CFAP54: variants seen among roughly 807,000 people sequenced by gnomAD.
CFAP54 encodes cilia and flagella associated protein 54, also known as cilia- and flagella-associated protein 54.
Under a neutral mutation model 370.4 loss-of-function variants are expected in CFAP54, and 290 were observed. That is an observed-to-expected ratio of 0.78 (90% CI 0.71 to 0.86). CFAP54 has a LOEUF of 0.86. Among genes scored for constraint, CFAP54 ranks in the 40% least tolerant of loss-of-function variants. The probability of loss-of-function intolerance (pLI) is 0.00; values close to 1 mark genes in which losing one functional copy is unlikely to be tolerated. For missense variants in CFAP54, 3,399 were observed against 3,528.7 expected (o/e 0.96, Z 0.93); for synonymous variants, 1,206 against 1,236.5 (o/e 0.98, Z 0.52).
chr12:96,557,213 G>T (rs921671252), intron 17 of CFAP54, among the ~76,000 whole-genome samples: 3 of 152,104 alleles, frequency 2.0e-5, no homozygotes, highest in Admixed American at 6.6e-5. Flanking sequence ...ATGACCAATT[G>T]AATCTTCCTT....
rs374304295 is a variant in CFAP54 at position 96,660,157 on chromosome 12, C to T, written c.5460+1811C>T. ...GATGATGGCATTTGATGAGAGGGGC[C>T]AGCCATACAGTGATCTAGGGAAAGA... On this transcript the variant is annotated intron_variant, in intron 38 of 67. Coordinates refer to ENST00000524981, the MANE Select transcript of CFAP54 (RefSeq NM_001306084.2). Among the ~76,000 whole-genome samples the T allele has an allele frequency of 9.9e-5, 15 of 152,152 alleles. No homozygotes were observed. In the South Asian group the frequency reaches 2.9e-3, roughly 30 times the overall value.
intron 14 of CFAP54, among the ~76,000 whole-genome samples, chr12:96,544,410 A>C (rs1466444125): frequency 2.0e-5 from 3 of 148,016 alleles, no homozygotes; most frequent in African/African-American, 5.0e-5. Context: ...AAAACAGAAT[A>C]TCTCTCTCTC....
chr12:96,499,823 G>C (rs1299525856), intron 1 of CFAP54, among the ~76,000 whole-genome samples: 1 of 152,128 alleles, frequency 6.6e-6, no homozygotes, highest in Non-Finnish European at 1.5e-5. Context: ...GTGCACGCCT[G>C]TAATCCCAGC....
intron 17 of CFAP54, among the ~76,000 whole-genome samples, chr12:96,557,671 G>A (rs1955767873): frequency 6.6e-6 from 1 of 151,982 alleles, no homozygotes; most frequent in South Asian, 2.1e-4. Flanking sequence ...AGTTTTAAAA[G>A]ACTACATTCA....
rs555785647 is a variant in CFAP54, at chr12:96,866,325, T to A, written c.*14+5373T>A. On this transcript the variant is annotated intron_variant, in intron 67 of 67. Coordinates refer to ENST00000524981, the MANE Select transcript of CFAP54 (RefSeq NM_001306084.2). The stretch of plus-strand genomic sequence containing the variant: ...TTTTCTTCATAATTAAATTCATTAG[T>A]TAAAAAGCTGGGTTAAGAGGGATGG... 2.1e-4 allele frequency among the ~76,000 whole-genome samples: 32 copies of A among 152,200 alleles called. 1 individual carries two copies. In the South Asian group the frequency reaches 5.0e-3, roughly 24 times the overall value.
chr12:96,552,414 GCTCACTGCAGC>G (rs1955705140), intron 15 of CFAP54, among the ~76,000 whole-genome samples: 1 of 151,882 alleles, frequency 6.6e-6, no homozygotes, highest in Admixed American at 6.6e-5. Context: ...CATGATCAGG[GCTCACTGCAGC>G]CTCTGCCTCC....
Position 96,704,740 on chromosome 12 carries a change from C to T in CFAP54, c.6475-3C>T. ...TTGCTGTTACTATTTTGTATTTTGA[C>T]AGATCTTTCAATCATTTGACTCAGG... On this transcript the variant is annotated splice_region_variant and splice_polypyrimidine_tract_variant and intron_variant, in intron 46 of 67. Coordinates refer to ENST00000524981, the MANE Select transcript of CFAP54 (RefSeq NM_001306084.2). 2 of 1,225,362 alleles carry T rather than the reference C, an allele frequency of 1.6e-6. No individual in the cohort carries two copies. The highest frequency in any genetic ancestry group is 1.4e-5 in the South Asian group (1 of 69,004). The allele number at this position is 1,225,362 out of a possible 1,614,324, so 75.9% of individuals were successfully genotyped here. A position where few individuals can be genotyped will look rare whatever the true frequency, so the allele number is the denominator to read the frequency against.
At chr12:96,597,124 A>T (rs993956538) in intron 25 of CFAP54, among the ~76,000 whole-genome samples, 1 of 152,112 alleles carries the variant, frequency 6.6e-6, no homozygotes, top group Non-Finnish European at 1.5e-5. Context: ...AGCAAGATTA[A>T]AAACAAATAT....
At position 96,600,377 on chromosome 12, in the gene CFAP54, TG is replaced by T. The variant is rs1287206730; in HGVS notation, c.3639+1612del. ...TTTTGGTACCAGTACCATGCTGTTTTGGTTACTGTAGCCTTGTAGTATAATT... is the reference window on the plus strand; with the variant it reads ...TTTTGGTACCAGTACCATGCTGTTTTGTTACTGTAGCCTTGTAGTATAATT... On this transcript the variant is annotated intron_variant, in intron 26 of 67. Coordinates refer to ENST00000524981, the MANE Select transcript of CFAP54 (RefSeq NM_001306084.2). Among the ~76,000 whole-genome samples the T allele has an allele frequency of 3.9e-5, 6 of 152,330 alleles. No individual in the cohort carries two copies. The East Asian group carries it at 1.2e-3, about 29-fold the overall frequency.
chr12:96,739,869 GT>G, intron 50 of CFAP54, 86 bp from the exon 51 acceptor site: 1 of 819,832 alleles, frequency 1.2e-6, no homozygotes, highest in Non-Finnish European at 1.9e-6. Context: ...GTGTGAGAAT[GT>G]TTTTTGGAGA....
intron 27 of CFAP54, among the ~76,000 whole-genome samples, chr12:96,622,179 G>A (rs144328061): frequency 7.9e-4 from 120 of 152,066 alleles, no homozygotes; most frequent in African/African-American, 2.7e-3. Flanking sequence ...TTCTTTATGA[G>A]ACTGCTAATT....
chr12:96,741,792 A>T (rs1958054890), intron 51 of CFAP54, among the ~76,000 whole-genome samples: 1 of 152,172 alleles, frequency 6.6e-6, no homozygotes, highest in African/African-American at 2.4e-5. Context: ...CAAATTAATT[A>T]TAATACGTGT....
chr12:96,701,001 T>C (rs1239385470), intron 46 of CFAP54, among the ~76,000 whole-genome samples: 2 of 152,146 alleles, frequency 1.3e-5, no homozygotes, highest in African/African-American at 4.8e-5. Context: ...TACTTCAGAG[T>C]ATTCCCCTAA....
At chr12:96,848,417 G>C (rs1168642921) in intron 66 of CFAP54, among the ~76,000 whole-genome samples, 1 of 152,132 alleles carries the variant, frequency 6.6e-6, no homozygotes, top group Non-Finnish European at 1.5e-5. Context: ...GATTTCTACT[G>C]GCTGGGTGCA....
At chr12:96,576,332 G>T (rs932987434) in intron 19 of CFAP54, among the ~76,000 whole-genome samples, 6 of 151,300 alleles carry the variant, frequency 4.0e-5, no homozygotes, top group African/African-American at 1.5e-4. Context: ...ATTCATGTAT[G>T]ATAATAATGA....
chr12:96,561,773 CTTTTTTT>C (rs376442763), intron 17 of CFAP54, among the ~76,000 whole-genome samples: 8 of 94,852 alleles, frequency 8.4e-5, no homozygotes, highest in African/African-American at 3.4e-4. Flanking sequence ...ATCACAAGTT[CTTTTTTT>C]TTTTTTTTTT....
chr12:96,748,447 A>G (rs1308516546), intron 55 of CFAP54, among the ~76,000 whole-genome samples: 1 of 151,150 alleles, frequency 6.6e-6, no homozygotes, highest in Non-Finnish European at 1.5e-5. Context: ...CTTTTCGTTC[A>G]TCTTCAAAGC....
At chr12:96,625,834 G>A (rs1287572775) in intron 29 of CFAP54, 27 bp downstream of exon 29, 1 of 1,435,646 alleles carries the variant, frequency 7.0e-7, no homozygotes, top group Non-Finnish European at 9.4e-7. Flanking sequence ...TGTATATGCT[G>A]TTCACTCGAT....
chr12:96,620,673 G>T (rs867527611), intron 26 of CFAP54, among the ~76,000 whole-genome samples: 30 of 152,314 alleles, frequency 2.0e-4, no homozygotes, highest in African/African-American at 6.7e-4. Context: ...ACTCCTAGTT[G>T]CCCTAAGGGG....
Sources: gnomAD v4.1 joint callset for allele counts (sites outside exome capture counted in the v4.1 genomes callset) on GRCh38, gnomAD v4.1.1 for gene constraint, MANE v1.5 for transcripts, NCBI Gene and HGNC (gene_info 2026-07-23, HGNC 2026-07-21) for gene names.